Variants in GOLIM4 observed in about 807,000 individuals in gnomAD.
The protein encoded by GOLIM4 is 130 kDa golgi-localized phosphoprotein.
In GOLIM4, 71 loss-of-function variants were observed where a neutral mutation model predicts 107.4. That is an observed-to-expected ratio of 0.66 (90% CI 0.55 to 0.81). The LOEUF is 0.81. Among genes scored for constraint, GOLIM4 ranks in the 30% least tolerant of loss-of-function variants. The probability of loss-of-function intolerance (pLI) is 0.00; values close to 1 mark genes in which losing one functional copy is unlikely to be tolerated. For synonymous variants in GOLIM4, 327 were observed against 294.8 expected (o/e 1.11, Z -1.12); for missense variants, 830 against 826.1 (o/e 1.00, Z -0.06).
At chr3:168,031,733 A>G (rs1718348203) in intron 9 of GOLIM4, among the ~76,000 whole-genome samples, 1 of 152,240 alleles carries the variant, frequency 6.6e-6, no homozygotes, top group African/African-American at 2.4e-5. Context: ...AAGCGGCTTG[A>G]AGTCTCAGAA....
intron 1 of GOLIM4, among the ~76,000 whole-genome samples, chr3:168,088,120 T>C (rs1329740730): frequency 2.0e-5 from 3 of 152,172 alleles, no homozygotes; most frequent in Non-Finnish European, 2.9e-5. Flanking sequence ...AGAAGAACCA[T>C]TGGCTGTCAA....
intron 14 of GOLIM4, among the ~76,000 whole-genome samples, chr3:168,015,394 T>G (rs945013501): frequency 6.9e-6 from 1 of 145,396 alleles, no homozygotes; most frequent in Admixed American, 6.8e-5. Context: ...TAAAAGAGGA[T>G]ACAAACAAAT....
rs370564834 is a variant in GOLIM4, at chr3:168,092,024, T to C, written c.187+3075A>G. Among the ~76,000 whole-genome samples, 196 of 152,328 alleles carry C rather than the reference T, an allele frequency of 1.3e-3. 2 individuals are homozygous for C. The highest frequency in any genetic ancestry group is 6.8e-3 in the Middle Eastern group (2 of 294). ...ATCACCAGGGGAGCTTTAAAGACTT[T>C]TGAAGCCTGGGTTCCACCCCCCATA... On this transcript the variant is annotated intron_variant, in intron 1 of 15. Transcript: ENST00000470487.
chr3:168,025,202 A>T, intron 12 of GOLIM4, 107 bp from the exon 13 acceptor site: 1 of 827,664 alleles, frequency 1.2e-6, no homozygotes. Context: ...TCCTTCCCTC[A>T]ATTGTTCAGA....
chr3:168,023,831 A>T (rs1717844092), intron 14 of GOLIM4, among the ~76,000 whole-genome samples: 1 of 152,222 alleles, frequency 6.6e-6, no homozygotes, highest in South Asian at 2.1e-4. Context: ...CAATTACACC[A>T]CATGCAGCAC....
At chr3:168,039,546 G>A (rs1015032517) in intron 7 of GOLIM4, among the ~76,000 whole-genome samples, 1 of 152,150 alleles carries the variant, frequency 6.6e-6, no homozygotes, top group Non-Finnish European at 1.5e-5. Context: ...TTACAGGCAT[G>A]AGCCACGGTG....
chr3:168,023,234 A>G (rs949350099), intron 14 of GOLIM4, among the ~76,000 whole-genome samples: 18 of 152,206 alleles, frequency 1.2e-4, no homozygotes, highest in African/African-American at 3.4e-4. Flanking sequence ...CTGTTATATG[A>G]GAAGCCTGGA....
At chr3:168,058,996 A>C (rs1169361407) in intron 1 of GOLIM4, among the ~76,000 whole-genome samples, 1 of 152,142 alleles carries the variant, frequency 6.6e-6, no homozygotes, top group Non-Finnish European at 1.5e-5. Flanking sequence ...AAGCGAGAGA[A>C]GAGGGGGTTG....
chr3:168,052,492 C>A (rs776049742), intron 1 of GOLIM4, among the ~76,000 whole-genome samples: 3 of 151,886 alleles, frequency 2.0e-5, no homozygotes, highest in African/African-American at 4.8e-5. Flanking sequence ...TAAAAAATTT[C>A]TTTAAATAAA....
intron 1 of GOLIM4, among the ~76,000 whole-genome samples, chr3:168,087,076 T>C (rs572917667): frequency 6.6e-6 from 1 of 152,148 alleles, no homozygotes; most frequent in Non-Finnish European, 1.5e-5. Context: ...ACTTCAGACA[T>C]GCAGGCACCC....
At chr3:168,051,840 A>G (rs1291806519) in intron 1 of GOLIM4, among the ~76,000 whole-genome samples, 3 of 152,200 alleles carry the variant, frequency 2.0e-5, no homozygotes, top group Non-Finnish European at 4.4e-5. Context: ...GGATGGAGAC[A>G]TGGAGAAGGG....
At chr3:168,044,022 T>C (rs1291989740) in intron 4 of GOLIM4, among the ~76,000 whole-genome samples, 7 of 152,264 alleles carry the variant, frequency 4.6e-5, no homozygotes, top group African/African-American at 1.4e-4. Context: ...GTTTAGAGAA[T>C]TGACTTTTAT....
chr3:168,044,114 C>A (rs1719170107), intron 4 of GOLIM4, among the ~76,000 whole-genome samples: 1 of 152,190 alleles, frequency 6.6e-6, no homozygotes, highest in African/African-American at 2.4e-5. Flanking sequence ...AATGTGAAAG[C>A]ATGGTTTGCT....
In GOLIM4 at chr3:168,088,194, G is replaced by C. The variant is rs561716070; in HGVS notation, c.187+6905C>G. Among the ~76,000 whole-genome samples, 4 of 152,028 alleles carry C rather than the reference G, an allele frequency of 2.6e-5. No individual in the cohort carries two copies. In the East Asian group the frequency reaches 7.7e-4, roughly 29 times the overall value. Reference sequence around the variant, plus strand: ...CATTTTCAGGTTTTTTCCACCCCAAGAACGGCTCAAAAGGGTAGAAAAGAC... The same window carrying C: ...CATTTTCAGGTTTTTTCCACCCCAACAACGGCTCAAAAGGGTAGAAAAGAC... On this transcript the variant is annotated intron_variant, in intron 1 of 15. Coordinates refer to ENST00000470487, the MANE Select transcript of GOLIM4 (RefSeq NM_014498.5).
chr3:168,027,954 TAACTC>T (rs1718100198), intron 11 of GOLIM4, 117 bp from the exon 12 acceptor site: 8 of 690,016 alleles, frequency 1.2e-5, no homozygotes, highest in Non-Finnish European at 1.8e-5. Context: ...CCACCTCTGT[TAACTC>T]AACATAAGGC....
rs1577589065 is a variant in GOLIM4, at chr3:168,095,670, G to A, written c.-385C>T. Reference sequence around the variant, plus strand: ...GGGCAGTTCTTGGAGTCCCGCCCTGGCCACTCCCCGCCCTATCGCGGCGGC... The same window carrying A: ...GGGCAGTTCTTGGAGTCCCGCCCTGACCACTCCCCGCCCTATCGCGGCGGC... On this transcript the variant is annotated 5_prime_UTR_variant, in exon 1 of 16. Coordinates refer to ENST00000470487, the MANE Select transcript of GOLIM4 (RefSeq NM_014498.5). 3 of 205,096 alleles carry A rather than the reference G, an allele frequency of 1.5e-5. No homozygotes were observed. Among genetic ancestry groups the A allele is most frequent in the South Asian group, 7.6e-5 (1 of 13,212 alleles). 12.7% of individuals were successfully genotyped at this position (205,096 alleles called of 1,614,324 possible). A position where few individuals can be genotyped will look rare whatever the true frequency, so the allele number is the denominator to read the frequency against.
Position 168,029,867 on chromosome 3 carries a change from TGTTCCTGCTGCC to T in GOLIM4, c.1334_1345del (p.Arg445_Glu448del). On this transcript the variant is annotated inframe_deletion, in exon 10 of 16. Transcript: ENST00000470487. ...CTCTCTTGCCACCTGCTGCTGCTGC[TGTTCCTGCTGCC>T]GTAGTAAGTGCCCCTGCAGCCTCTG... 1.2e-6 allele frequency: 2 copies of T among 1,614,086 alleles called. No individual in the cohort carries two copies. The highest frequency in any genetic ancestry group is 1.7e-6 in the Non-Finnish European group (2 of 1,180,002).
Position 168,043,427 on chromosome 3 carries a change from A to G in GOLIM4, c.469T>C (p.Tyr157His). The G allele has an allele frequency of 6.2e-7, 1 of 1,610,956 alleles. No individual in the cohort carries two copies. The highest frequency in any genetic ancestry group is 1.3e-5 in the African/African-American group (1 of 74,852). The change falls in exon 5 of 16, where the codon TAC (tyrosine) becomes CAC (histidine). Residue 157 changes from tyrosine (Y) to histidine (H), a missense_variant. By Grantham distance (83) the Tyr-to-His change is moderately conservative. Transcript: ENST00000470487. The part of the protein sequence containing the change: ...SRTFNDHKQK[Y>H]LQLQQEKEQE... ...TCTTTTTCTTGCTGGAGCTGCAAGT[A>G]TTTTTGCTTATGGTCATTAAATGTT...
intron 1 of GOLIM4, among the ~76,000 whole-genome samples, chr3:168,073,191 T>C (rs1188723671): frequency 2.0e-5 from 3 of 152,224 alleles, no homozygotes; most frequent in Non-Finnish European, 4.4e-5. Flanking sequence ...CTTGCAATTT[T>C]ACTTGTTCTC....
Sources: gnomAD v4.1 joint callset for allele counts (sites outside exome capture counted in the v4.1 genomes callset) on GRCh38, gnomAD v4.1.1 for gene constraint, MANE v1.5 for transcripts, NCBI Gene and HGNC (gene_info 2026-07-23, HGNC 2026-07-21) for gene names.